LRRC49: variants seen among roughly 807,000 people sequenced by gnomAD.
The protein encoded by LRRC49 is leucine rich repeat containing 49.
A neutral mutation model predicts 83.3 loss-of-function variants in LRRC49; 50 were observed. That is an observed-to-expected ratio of 0.60 (90% CI 0.48 to 0.76). LRRC49 has a LOEUF of 0.76. LRRC49 is among the 30% of genes least tolerant of loss of function. The pLI is 0.00. For missense variants in LRRC49, 704 were observed against 809.1 expected (o/e 0.87, Z 1.58); for synonymous variants, 286 against 283.3 (o/e 1.01, Z -0.10).
chr15:70,995,819 G>T (rs535698433), intron 11 of LRRC49, among the ~76,000 whole-genome samples: 1 of 152,184 alleles, frequency 6.6e-6, no homozygotes, highest in Admixed American at 6.5e-5. Flanking sequence ...CCAAGAGAAA[G>T]AGGAAGTATC....
chr15:71,002,684 A>G (rs992704686), intron 11 of LRRC49, among the ~76,000 whole-genome samples: 5 of 152,188 alleles, frequency 3.3e-5, no homozygotes, highest in Non-Finnish European at 7.3e-5. Flanking sequence ...ATAAATTATT[A>G]TAGGAATCAG....
chr15:71,044,567 T>C (rs2039793024), intron 15 of LRRC49, among the ~76,000 whole-genome samples: 2 of 152,104 alleles, frequency 1.3e-5, no homozygotes, highest in African/African-American at 2.4e-5. Context: ...GGTGGGTGGA[T>C]TGCTTGAGTT....
At chr15:71,030,689 A>G (rs1295922445) in intron 14 of LRRC49, among the ~76,000 whole-genome samples, 2 of 151,872 alleles carry the variant, frequency 1.3e-5, no homozygotes, top group Non-Finnish European at 2.9e-5. Context: ...ATATAGTCAC[A>G]TATTTCTTGG....
Position 70,859,878 on chromosome 15 carries a change from C to G in LRRC49, c.-299+6409C>G. ...AAGCTGGCCTTGGGCATCAAAACTG[C>G]CACCTACAGGAAGCTGCTGGAGGGT... On this transcript the variant is annotated intron_variant, in intron 1 of 16. Coordinates refer to the LRRC49 transcript ENST00000544974. 3.9e-6 allele frequency: 3 copies of G among 768,664 alleles called. No individual in the cohort carries two copies. The South Asian group carries it at 4.0e-5, about 10-fold the overall frequency. The allele number at this position is 768,664 out of a possible 1,614,324, so 47.6% of individuals were successfully genotyped here. A position where few individuals can be genotyped will look rare whatever the true frequency, so the allele number is the denominator to read the frequency against.
chr15:71,039,038 C>G (rs1177323747), intron 15 of LRRC49, among the ~76,000 whole-genome samples: 1 of 151,888 alleles, frequency 6.6e-6, no homozygotes, highest in Non-Finnish European at 1.5e-5. Context: ...TAACCCAGAT[C>G]AAAGTAGGGT....
At chr15:70,980,209 A>G (rs1475291361) in intron 10 of LRRC49, 25 bp downstream of exon 10, 2 of 1,534,026 alleles carry the variant, frequency 1.3e-6, no homozygotes, top group African/African-American at 1.4e-5. Context: ...GTCTACATGG[A>G]TGTGTGTGCA....
chr15:70,900,012 A>G (rs2034003065), intron 3 of LRRC49, among the ~76,000 whole-genome samples: 1 of 152,142 alleles, frequency 6.6e-6, no homozygotes, highest in Admixed American at 6.6e-5. Flanking sequence ...GACCATTTAC[A>G]TTCTTCTAGT....
rs917152667 is a variant in LRRC49, at chr15:70,854,237, GCGCCGCCGC to G, written c.-299+788_-299+796del. On this transcript the variant is annotated intron_variant, in intron 1 of 16. Transcript: ENST00000544974. ...GACAGGGGTCGCGGCGCCCCGCCCC[GCGCCGCCGC>G]CGCCGCCGCCGCCGCCGCCACCACC... 9.9e-4 allele frequency: 383 copies of G among 388,028 alleles called. 2 individuals carry two copies. The highest frequency in any genetic ancestry group is 7.1e-3 in the African/African-American group (320 of 45,072). The allele number at this position is 388,028 out of a possible 1,614,324, so 24.0% of individuals were successfully genotyped here.
intron 7 of LRRC49, among the ~76,000 whole-genome samples, chr15:70,926,792 G>C (rs2035217953): frequency 6.6e-6 from 1 of 151,732 alleles, no homozygotes; most frequent in African/African-American, 2.4e-5. Context: ...CCTTGAGATA[G>C]TTTGCAGAGA....
chr15:70,998,068 G>A (rs544652364), intron 11 of LRRC49, among the ~76,000 whole-genome samples: 2 of 152,064 alleles, frequency 1.3e-5, no homozygotes, highest in African/African-American at 4.8e-5. Context: ...AGTTGTAATA[G>A]TATATAAGAA....
At chr15:70,998,001 T>C (rs1475553211) in intron 11 of LRRC49, among the ~76,000 whole-genome samples, 1 of 152,198 alleles carries the variant, frequency 6.6e-6, no homozygotes, top group Non-Finnish European at 1.5e-5. Flanking sequence ...TCTTAGTTGT[T>C]ACCCTGGGGA....
chr15:71,043,491 G>A (rs551071501), intron 15 of LRRC49, among the ~76,000 whole-genome samples: 7 of 152,262 alleles, frequency 4.6e-5, no homozygotes, highest in African/African-American at 1.7e-4. Context: ...ATTACTCAAG[G>A]AGCAACAACT....
intron 5 of LRRC49, among the ~76,000 whole-genome samples, chr15:70,906,041 G>A (rs1256729251): frequency 6.6e-6 from 1 of 151,756 alleles, no homozygotes; most frequent in African/African-American, 2.4e-5. Context: ...TCTTTTTATG[G>A]CCTTAGGGGA....
chr15:71,021,068 T>C (rs2038980021), intron 14 of LRRC49, among the ~76,000 whole-genome samples: 5 of 151,844 alleles, frequency 3.3e-5, no homozygotes, highest in Non-Finnish European at 7.4e-5. Flanking sequence ...AAAAAAAAAA[T>C]CTCATGTTTT....
intron 7 of LRRC49, among the ~76,000 whole-genome samples, chr15:70,933,301 A>G (rs2035481563): frequency 6.6e-6 from 1 of 152,174 alleles, no homozygotes. Context: ...GATAATGAGG[A>G]AATTAATAAC....
At chr15:70,976,664 G>A (rs2037216510) in intron 9 of LRRC49, among the ~76,000 whole-genome samples, 1 of 152,048 alleles carries the variant, frequency 6.6e-6, no homozygotes. Flanking sequence ...TGAGGAAAAA[G>A]TAGTTTTTTG....
rs1344882608 is a variant in LRRC49 at position 71,049,307 on chromosome 15, GGTCAGAATA to G, written c.1858-101_1858-93del. 4.1e-6 allele frequency: 3 copies of G among 727,696 alleles called. No homozygotes were observed. In the African/African-American group the frequency reaches 5.4e-5, roughly 13 times the overall value. 45.1% of individuals were successfully genotyped at this position (727,696 alleles called of 1,614,324 possible). ...AGGAGTAGATGGGGGAGGAATAGGG[GGTCAGAATA>G]AATTATTTCAATTTTCTGTGGTTCA... On this transcript the variant is annotated intron_variant, in intron 15 of 15. Coordinates refer to ENST00000260382, the MANE Select transcript of LRRC49 (RefSeq NM_017691.5).
chr15:71,005,416 T>A (rs1282368729), intron 11 of LRRC49, among the ~76,000 whole-genome samples: 3 of 152,166 alleles, frequency 2.0e-5, no homozygotes, highest in Admixed American at 2.0e-4. Context: ...TTGAGAGCTC[T>A]TTGAGGGCAA....
chr15:70,868,411 T>C (rs1216488260), intron 1 of LRRC49, among the ~76,000 whole-genome samples: 1 of 152,240 alleles, frequency 6.6e-6, no homozygotes, highest in Admixed American at 6.5e-5. Context: ...TACATCACAC[T>C]GTCCCTTATA....
Sources: gnomAD v4.1 joint callset for allele counts (sites outside exome capture counted in the v4.1 genomes callset) on GRCh38, gnomAD v4.1.1 for gene constraint, MANE v1.5 for transcripts, NCBI Gene and HGNC (gene_info 2026-07-23, HGNC 2026-07-21) for gene names.